AP4S1: variants seen among roughly 807,000 people sequenced by gnomAD.
AP4S1 encodes adaptor related protein complex 4 subunit sigma 1.
AP4S1 carries 23 observed loss-of-function variants against 19.8 expected under a neutral mutation model. That is an observed-to-expected ratio of 1.16 (90% CI 0.84 to 1.65). AP4S1 has a LOEUF of 1.65. AP4S1 is among the 40% of genes most tolerant of loss of function. The probability of loss-of-function intolerance (pLI) is 0.00; values close to 1 mark genes in which losing one functional copy is unlikely to be tolerated. For missense variants in AP4S1, 166 were observed against 172.8 expected (o/e 0.96, Z 0.22); for synonymous variants, 46 against 54.1 (o/e 0.85, Z 0.66).
intron 2 of AP4S1, 35 bp downstream of exon 2, chr14:31,066,369 C>T: frequency 6.2e-7 from 1 of 1,613,282 alleles, no homozygotes; most frequent in Non-Finnish European, 8.5e-7. Flanking sequence ...TCTCTGCATT[C>T]AACTCAGCCT....
At chr14:31,044,560 C>G (rs1380048257) in intron 1 of AP4S1, among the ~76,000 whole-genome samples, 1 of 150,918 alleles carries the variant, frequency 6.6e-6, no homozygotes, top group African/African-American at 2.4e-5. Flanking sequence ...GTTGCCTAGT[C>G]TGGTTTCAAA....
At chr14:31,053,452 A>G (rs546733371) in intron 1 of AP4S1, among the ~76,000 whole-genome samples, 1 of 152,262 alleles carries the variant, frequency 6.6e-6, no homozygotes, top group East Asian at 1.9e-4. Flanking sequence ...AGTCACGAAG[A>G]ACAGAGGCCA....
intron 4 of AP4S1, among the ~76,000 whole-genome samples, chr14:31,079,453 C>T (rs959699983): frequency 1.9e-4 from 29 of 151,916 alleles, no homozygotes; most frequent in African/African-American, 5.8e-4. Context: ...GCTGCACATT[C>T]GGAGGCTGCA....
chr14:31,090,663 G>A (rs1888052971), intron 5 of AP4S1, among the ~76,000 whole-genome samples: 1 of 152,188 alleles, frequency 6.6e-6, no homozygotes, highest in Non-Finnish European at 1.5e-5. Flanking sequence ...TATTCCATGG[G>A]CTTAGCATAT....
At chr14:31,032,586 C>T (rs1421619211) in intron 1 of AP4S1, among the ~76,000 whole-genome samples, 2 of 148,092 alleles carry the variant, frequency 1.4e-5, no homozygotes, top group Admixed American at 6.9e-5. Flanking sequence ...TGCAGTGGTG[C>T]GATCTCGGCT....
At chr14:31,073,404 G>A (rs1325701169) in intron 4 of AP4S1, among the ~76,000 whole-genome samples, 1 of 135,584 alleles carries the variant, frequency 7.4e-6, no homozygotes, top group South Asian at 2.4e-4. Context: ...GCAGGAGAAT[G>A]GCGTGAACCC....
At chr14:31,063,133 C>T (rs1594675898) in intron 1 of AP4S1, among the ~76,000 whole-genome samples, 1 of 151,406 alleles carries the variant, frequency 6.6e-6, no homozygotes, top group East Asian at 2.0e-4. Context: ...CCCATCTCTA[C>T]AAAAATAAAA....
intron 5 of AP4S1, among the ~76,000 whole-genome samples, chr14:31,090,749 G>T (rs1888055383): frequency 6.6e-6 from 1 of 152,264 alleles, no homozygotes; most frequent in Non-Finnish European, 1.5e-5. Flanking sequence ...GGGTGTACAA[G>T]TTGCTCATAA....
intron 1 of AP4S1, among the ~76,000 whole-genome samples, chr14:31,027,899 T>C (rs1884129010): frequency 6.6e-6 from 1 of 152,100 alleles, no homozygotes; most frequent in Non-Finnish European, 1.5e-5. Context: ...TGCAGGAAAA[T>C]TGCATTGAAA....
At chr14:31,054,075 ATTCATT>A in intron 1 of AP4S1, among the ~76,000 whole-genome samples, 1 of 152,180 alleles carries the variant, frequency 6.6e-6, no homozygotes, top group Non-Finnish European at 1.5e-5. Context: ...AAAAGCTTTC[ATTCATT>A]CTTTCATTTA....
chr14:31,031,841 G>A (rs1310868670), intron 1 of AP4S1, among the ~76,000 whole-genome samples: 2 of 152,080 alleles, frequency 1.3e-5, no homozygotes, highest in Non-Finnish European at 2.9e-5. Context: ...CCTCCTCCAT[G>A]CCCATAGATT....
chr14:31,073,652 G>A (rs1444655874), intron 4 of AP4S1, among the ~76,000 whole-genome samples: 4 of 150,750 alleles, frequency 2.7e-5, no homozygotes, highest in African/African-American at 9.7e-5. Flanking sequence ...TGCCCAGGCT[G>A]GAGTGCAGTG....
intron 5 of AP4S1, among the ~76,000 whole-genome samples, chr14:31,081,234 G>T (rs1228763834): frequency 6.6e-6 from 1 of 152,084 alleles, no homozygotes; most frequent in African/African-American, 2.4e-5. Context: ...AAAGTGTTTA[G>T]TCCTCCTCCA....
At chr14:31,042,156 A>G (rs1374782901) in intron 1 of AP4S1, among the ~76,000 whole-genome samples, 1 of 152,206 alleles carries the variant, frequency 6.6e-6, no homozygotes, top group African/African-American at 2.4e-5. Context: ...GTCTAAATAA[A>G]TTACCCTTGG....
chr14:31,049,438 T>TATAC (rs1284508442), intron 1 of AP4S1, among the ~76,000 whole-genome samples: 2 of 48,492 alleles, frequency 4.1e-5, no homozygotes, highest in South Asian at 1.7e-3. Context: ...AATATATATA[T>TATAC]ATATATATAT....
intron 1 of AP4S1, 84 bp downstream of exon 1, chr14:31,025,871 C>G: frequency 6.3e-7 from 1 of 1,583,020 alleles, no homozygotes; most frequent in South Asian, 1.1e-5. Context: ...ACCCAGCCGC[C>G]GCAGCTCCCG....
chr14:31,040,395 T>G (rs560108742), intron 1 of AP4S1, among the ~76,000 whole-genome samples: 8 of 152,212 alleles, frequency 5.3e-5, no homozygotes, highest in African/African-American at 1.7e-4. Context: ...AAGCTTTCAT[T>G]TATTTGTTTC....
chr14:31,078,843 A>G (rs529294545), intron 4 of AP4S1, among the ~76,000 whole-genome samples: 4 of 152,326 alleles, frequency 2.6e-5, no homozygotes, highest in Admixed American at 1.3e-4. Context: ...AGCAAAAAGA[A>G]GAAGAGGAAG....
chr14:31,067,555 C>T (rs1176998958), intron 2 of AP4S1, among the ~76,000 whole-genome samples: 3 of 149,912 alleles, frequency 2.0e-5, no homozygotes, highest in Non-Finnish European at 4.4e-5. Flanking sequence ...TGCTTTGTCA[C>T]CCAGGCTGGA....
Sources: allele counts gnomAD v4.1 joint callset (sites outside exome capture counted in the v4.1 genomes callset), GRCh38; gene constraint gnomAD v4.1.1; transcripts MANE v1.5; gene names NCBI Gene and HGNC (gene_info 2026-07-23, HGNC 2026-07-21).